PPP2R1A: variants seen among roughly 807,000 people sequenced by gnomAD.
PPP2R1A encodes the protein serine/threonine-protein phosphatase 2A 65 kDa regulatory subunit A alpha isoform.
In PPP2R1A, 15 loss-of-function variants were observed where a neutral mutation model predicts 67.1. That is an observed-to-expected ratio of 0.22 (90% CI 0.15 to 0.34). The LOEUF (loss-of-function observed/expected upper bound fraction) is 0.34. PPP2R1A is among the 10% of genes least tolerant of loss of function. The pLI, the probability that PPP2R1A is intolerant of heterozygous loss-of-function variation, is 1.00. For synonymous variants in PPP2R1A, 337 were observed against 325.0 expected, an observed-to-expected ratio of 1.04 and a Z score of -0.40; for missense variants, 369 against 775.0, an observed-to-expected ratio of 0.48 and a Z score of 6.22.
intron 1 of PPP2R1A, among the ~76,000 whole-genome samples, chr19:52,197,167 C>A (rs1019327581): frequency 6.6e-6 from 1 of 152,094 alleles, no homozygotes; most frequent in Non-Finnish European, 1.5e-5. Context: ...TTTAACTTCC[C>A]TTCTGTTATA....
At chr19:52,201,756 ATTG>A (rs1216329620) in intron 1 of PPP2R1A, 185 bp from the exon 2 acceptor site, 35 of 574,056 alleles carry the variant, frequency 6.1e-5, no homozygotes, top group South Asian at 4.0e-4. Flanking sequence ...TGCCACTACT[ATTG>A]TTGTTATTTA....
chr19:52,197,974 C>T (rs2089511266), intron 1 of PPP2R1A, among the ~76,000 whole-genome samples: 1 of 152,204 alleles, frequency 6.6e-6, no homozygotes, highest in South Asian at 2.1e-4. Context: ...CATCAGTGGA[C>T]CAGCTGCCAC....
chr19:52,222,121 A>C lies in PPP2R1A; in HGVS notation c.1541A>C (p.Gln514Pro). Reference sequence around the variant, plus strand: ...CAGGTGCTGTCTGAGGTCTGTGGGCAGGACATCACCACCAAGCACATGCTA... The same window carrying C: ...CAGGTGCTGTCTGAGGTCTGTGGGCCGGACATCACCACCAAGCACATGCTA... ...CINVLSEVCG[Q>P]DITTKHMLPT... Residue 514 changes from glutamine to proline, a missense_variant, in exon 13 of 15, where the codon CAG (glutamine) becomes CCG (proline). By Grantham distance (76) the Gln-to-Pro change is moderately conservative. This residue lies in a region of PPP2R1A where 276 missense variants were observed against 508.4 expected (regional missense o/e 0.54). Coordinates refer to ENST00000322088, the MANE Select transcript of PPP2R1A (RefSeq NM_014225.6). 6.2e-7 allele frequency: 1 copy of C among 1,613,394 alleles called. No individual in the cohort carries two copies. Among genetic ancestry groups the C allele is most frequent in the Non-Finnish European group, 8.5e-7 (1 of 1,179,726 alleles).
chr19:52,223,394 C>T (rs945069971), intron 13 of PPP2R1A, among the ~76,000 whole-genome samples: 3 of 152,040 alleles, frequency 2.0e-5, no homozygotes, highest in Non-Finnish European at 4.4e-5. Flanking sequence ...GTAAGTTGAC[C>T]TTCTGTAAAA....
Position 52,215,901 on chromosome 19 carries a change from C to T in PPP2R1A, c.922+8C>T. On this transcript the variant is annotated splice_region_variant and intron_variant, in intron 7 of 14. Transcript: ENST00000322088. ...CCTCCCACAAGGTCAAAGGTTGGTGCTGGCAGCCGGAACACAGCAAGTGGG... is the reference window on the plus strand; with the variant it reads ...CCTCCCACAAGGTCAAAGGTTGGTGTTGGCAGCCGGAACACAGCAAGTGGG... The T allele has an allele frequency of 6.2e-7, 1 of 1,613,820 alleles. No homozygotes were observed. The highest frequency in any genetic ancestry group is 8.5e-7 in the Non-Finnish European group (1 of 1,179,724).
At chr19:52,223,382 G>A (rs1415396052) in intron 13 of PPP2R1A, among the ~76,000 whole-genome samples, 2 of 152,170 alleles carry the variant, frequency 1.3e-5, no homozygotes, top group Admixed American at 6.5e-5. Flanking sequence ...AGGAAGTGAT[G>A]GGTAAGTTGA....
At position 52,211,786 on chromosome 19, in the gene PPP2R1A, G is replaced by T; in HGVS notation, c.503+294G>T. ...AGAATTATCACACATAAAGTGCTTA[G>T]AGCAAAATCTGGAACATAAAAACTT... On this transcript the variant is annotated intron_variant, in intron 4 of 14. Coordinates refer to ENST00000322088, the MANE Select transcript of PPP2R1A (RefSeq NM_014225.6). The surrounding 1 kb of genome is among the most constrained non-coding windows in gnomAD (Gnocchi z 5.3). 2.4e-6 allele frequency: 1 copy of T among 424,202 alleles called. No homozygotes were observed. Among genetic ancestry groups the T allele is most frequent in the South Asian group, 4.5e-5 (1 of 22,114 alleles). 26.3% of individuals were successfully genotyped at this position (424,202 alleles called of 1,614,324 possible).
intron 2 of PPP2R1A, among the ~76,000 whole-genome samples, chr19:52,203,734 T>G (rs564064165): frequency 1.3e-5 from 2 of 152,144 alleles, no homozygotes; most frequent in African/African-American, 2.4e-5. Flanking sequence ...ATCCCACAGA[T>G]TGATAGCTCA....
In PPP2R1A at chr19:52,212,608, C is replaced by A; in HGVS notation, c.504-78C>A. 6.5e-7 allele frequency: 1 copy of A among 1,539,098 alleles called. No individual in the cohort carries two copies. The highest frequency in any genetic ancestry group is 8.8e-7 in the Non-Finnish European group (1 of 1,139,228). On this transcript the variant is annotated intron_variant, in intron 4 of 14. Coordinates refer to ENST00000322088, the MANE Select transcript of PPP2R1A (RefSeq NM_014225.6). This position sits in a 1 kb window ranked among gnomAD's most constrained non-coding sequence, Gnocchi z 4.1. ...AGGTCATTCAGCTAAAACCTGGACC[C>A]ACACAACTGCAGAGTCTGTGCTTGC...
chr19:52,193,971 T>G (rs998653061), intron 1 of PPP2R1A, among the ~76,000 whole-genome samples: 4 of 148,774 alleles, frequency 2.7e-5, no homozygotes, highest in African/African-American at 9.9e-5. Context: ...AAAAATTAGC[T>G]GGTGTGATGA....
At chr19:52,204,188 G>A (rs2089579588) in intron 2 of PPP2R1A, among the ~76,000 whole-genome samples, 1 of 152,230 alleles carries the variant, frequency 6.6e-6, no homozygotes, top group Admixed American at 6.5e-5. Context: ...AGGTAGCCAT[G>A]GGTTGAGCAA....
In PPP2R1A at chr19:52,190,069, A is replaced by T. The variant is rs939224065; in HGVS notation, c.-28A>T. Reference sequence around the variant, plus strand: ...CACGTTTCAGCACAGCGCTGGCCGCAGTCTGACAGGAAAGGGACGGAGCCA... The same window carrying T: ...CACGTTTCAGCACAGCGCTGGCCGCTGTCTGACAGGAAAGGGACGGAGCCA... On this transcript the variant is annotated 5_prime_UTR_variant, in exon 1 of 15. Coordinates refer to ENST00000322088, the MANE Select transcript of PPP2R1A (RefSeq NM_014225.6). 7 of 1,514,748 alleles carry T rather than the reference A, an allele frequency of 4.6e-6. No homozygotes were observed. Among genetic ancestry groups the T allele is most frequent in the Non-Finnish European group, 5.4e-6 (6 of 1,119,064 alleles). The allele number at this position is 1,514,748 out of a possible 1,614,324, so 93.8% of individuals were successfully genotyped here. A position where few individuals can be genotyped will look rare whatever the true frequency, so the allele number is the denominator to read the frequency against.
chr19:52,223,578 G>T (rs1979072952), intron 13 of PPP2R1A, among the ~76,000 whole-genome samples: 1 of 152,184 alleles, frequency 6.6e-6, no homozygotes, highest in Non-Finnish European at 1.5e-5. Context: ...CTTGAAAAAG[G>T]ATCTCCAAAT....
At position 52,213,618 on chromosome 19, in the gene PPP2R1A, G is replaced by A. The variant is rs1035413209; in HGVS notation, c.807+508G>A. ...CTGCCTCAGCCTCCTGAGGGACTGG[G>A]ATTACAGATGCCCACCACGACACCC... is the stretch of plus-strand genomic sequence containing the variant. On this transcript the variant is annotated intron_variant, in intron 6 of 14. Transcript: ENST00000322088. This position sits in a 1 kb window ranked among gnomAD's most constrained non-coding sequence, Gnocchi z 4.2. 6.6e-6 allele frequency among the ~76,000 whole-genome samples: 1 copy of A among 151,660 alleles called. No individual in the cohort carries two copies.
chr19:52,193,434 G>A (rs1400791637), intron 1 of PPP2R1A, among the ~76,000 whole-genome samples: 2 of 152,212 alleles, frequency 1.3e-5, no homozygotes, highest in Non-Finnish European at 2.9e-5. Flanking sequence ...CATACAGTAG[G>A]GAACAAAACA....
intron 12 of PPP2R1A, 120 bp downstream of exon 12, chr19:52,221,253 T>G: frequency 7.1e-7 from 1 of 1,404,976 alleles, no homozygotes; most frequent in Non-Finnish European, 9.8e-7. Context: ...ATGGAGTGCA[T>G]CTTCTATCCA....
chr19:52,206,618 T>C (rs1205904240), intron 3 of PPP2R1A, among the ~76,000 whole-genome samples: 4 of 152,126 alleles, frequency 2.6e-5, no homozygotes, highest in South Asian at 4.1e-4. Flanking sequence ...CTTCAGATTG[T>C]ATGACTAGTA....
rs570428900 is a variant in PPP2R1A, at chr19:52,211,648, G to A, written c.503+156G>A. On this transcript the variant is annotated intron_variant, in intron 4 of 14. Coordinates refer to ENST00000322088, the MANE Select transcript of PPP2R1A (RefSeq NM_014225.6). The surrounding 1 kb of genome is among the most constrained non-coding windows in gnomAD (Gnocchi z 5.3). ...CACCTGATAGGCCACATCCTCGAGA[G>A]TTGGTCTCTGGACACGGCCACGTGT... is the stretch of plus-strand genomic sequence containing the variant. 8 of 747,670 alleles carry A rather than the reference G, an allele frequency of 1.1e-5. No individual in the cohort carries two copies. Among genetic ancestry groups the A allele is most frequent in the Non-Finnish European group, 1.7e-5 (8 of 469,170 alleles). The allele number at this position is 747,670 out of a possible 1,614,324, so 46.3% of individuals were successfully genotyped here.
At position 52,228,222 on chromosome 19, in the gene PPP2R1A, A is replaced by C. The variant is rs1046823550; in HGVS notation, c.*2241A>C. ...GATTATTACAGGAGGTGGAGGTGCG[A>C]TGGATACCCAGGATGTGCTGGGTAA... On this transcript the variant is annotated 3_prime_UTR_variant, in exon 15 of 15. Coordinates refer to ENST00000322088, the MANE Select transcript of PPP2R1A (RefSeq NM_014225.6). 4.6e-5 allele frequency: 7 copies of C among 152,294 alleles called. No individual in the cohort carries two copies. The highest frequency in any genetic ancestry group is 1.7e-4 in the African/African-American group (7 of 41,422). The allele number at this position is 152,294 out of a possible 1,614,324, so 9.4% of individuals were successfully genotyped here.
Sources: gnomAD v4.1 joint callset for allele counts (sites outside exome capture counted in the v4.1 genomes callset) on GRCh38, gnomAD v4.1.1 for gene constraint, gnomAD v4.1.1 regional missense constraint, Gnocchi (gnomAD v3.1) non-coding constraint, MANE v1.5 for transcripts, NCBI Gene and HGNC (gene_info 2026-07-23, HGNC 2026-07-21) for gene names.